PTPRN2: variants seen among roughly 807,000 people sequenced by gnomAD.
PTPRN2 encodes the protein protein tyrosine phosphatase receptor type N2, also known as receptor-type tyrosine-protein phosphatase N2.
PTPRN2 carries 74 observed loss-of-function variants against 118.8 expected under a neutral mutation model. The observed-to-expected ratio is 0.62, with a 90% CI of 0.52 to 0.76. PTPRN2 has a LOEUF of 0.76. Ranked by LOEUF, PTPRN2 falls within the 30% of genes least tolerant of loss-of-function variation. The pLI is 0.00. For synonymous variants in PTPRN2, 641 were observed against 608.0 expected (o/e 1.05, Z -0.80); for missense variants, 1,481 against 1,394.4 (o/e 1.06, Z -0.99).
At chr7:157,555,018 T>C (rs1798812777) in intron 21 of PTPRN2, among the ~76,000 whole-genome samples, 1 of 148,454 alleles carries the variant, frequency 6.7e-6, no homozygotes, top group South Asian at 2.1e-4. Flanking sequence ...ACCGGCCAAG[T>C]CAGTTTGGGT....
intron 2 of PTPRN2, among the ~76,000 whole-genome samples, chr7:158,331,637 A>T (rs1304254501): frequency 6.8e-4 from 100 of 146,608 alleles, no homozygotes; most frequent in African/African-American, 2.6e-3. Context: ...TCACCATAAG[A>T]GGTGACACCT....
chr7:158,513,849 C>T (rs1214519043), intron 1 of PTPRN2, among the ~76,000 whole-genome samples: 1 of 152,236 alleles, frequency 6.6e-6, no homozygotes, highest in Non-Finnish European at 1.5e-5. Context: ...CTGTGTTTCA[C>T]ATTTTCTTCA....
chr7:157,656,633 C>T (rs1585184568), intron 13 of PTPRN2, 82 bp from the exon 14 acceptor site: 9 of 1,300,304 alleles, frequency 6.9e-6, no homozygotes, highest in Admixed American at 4.2e-5. Flanking sequence ...ACCCACGTGG[C>T]ACAACCCCTT....
intron 11 of PTPRN2, among the ~76,000 whole-genome samples, chr7:157,945,533 G>T (rs1053499849): frequency 6.6e-6 from 1 of 152,096 alleles, no homozygotes; most frequent in Non-Finnish European, 1.5e-5. Flanking sequence ...AGACAAAGCC[G>T]TCTCCAACTC....
chr7:157,558,927 G>A (rs547724879), intron 21 of PTPRN2, among the ~76,000 whole-genome samples: 14 of 152,344 alleles, frequency 9.2e-5, no homozygotes, highest in African/African-American at 2.4e-4. Flanking sequence ...TCCCATGCCC[G>A]TGGGCTCATG....
chr7:157,605,060 G>A (rs1419168482), intron 15 of PTPRN2, among the ~76,000 whole-genome samples: 1 of 152,258 alleles, frequency 6.6e-6, no homozygotes, highest in Non-Finnish European at 1.5e-5. Flanking sequence ...TCTGTGGCCG[G>A]TGGCGCCTTT....
chr7:158,472,643 A>G (rs1301257707), intron 2 of PTPRN2, among the ~76,000 whole-genome samples: 1 of 152,174 alleles, frequency 6.6e-6, no homozygotes, highest in African/African-American at 2.4e-5. Flanking sequence ...AACATCACCC[A>G]TCAGTTAGAG....
intron 5 of PTPRN2, among the ~76,000 whole-genome samples, chr7:158,178,729 C>T (rs112396148): frequency 0.024 from 3,692 of 151,782 alleles, 149 homozygotes; most frequent in African/African-American, 0.081. Flanking sequence ...TCCCAAGTAG[C>T]TGGGACTACA....
chr7:158,269,750 A>G (rs6952010), intron 3 of PTPRN2, among the ~76,000 whole-genome samples: 22,571 of 132,268 alleles, frequency 0.17, 1,887 homozygotes, highest in African/African-American at 0.27. Context: ...AGAGACAGAG[A>G]GAGACAGAGA....
chr7:157,993,139 C>T (rs188007096), intron 11 of PTPRN2, among the ~76,000 whole-genome samples: 110 of 152,320 alleles, frequency 7.2e-4, no homozygotes, highest in African/African-American at 2.5e-3. Flanking sequence ...TTTCTGATCA[C>T]GAGCTCTAAC....
At chr7:158,573,084 T>C (rs1828133334) in intron 1 of PTPRN2, among the ~76,000 whole-genome samples, 1 of 152,240 alleles carries the variant, frequency 6.6e-6, no homozygotes, top group South Asian at 2.1e-4. Flanking sequence ...GACAAGAGTC[T>C]TCTGAGGCAC....
rs562379378 is a variant in PTPRN2 at position 157,560,148 on chromosome 7, A to G, written c.2902+8754T>C. Among the ~76,000 whole-genome samples the G allele has an allele frequency of 2.0e-5, 3 of 152,290 alleles. No homozygotes were observed. Among genetic ancestry groups the G allele is most frequent in the South Asian group, 2.1e-4 (1 of 4,832 alleles). On this transcript the variant is annotated intron_variant, in intron 21 of 22. Coordinates refer to ENST00000389418, the MANE Select transcript of PTPRN2 (RefSeq NM_002847.5). The surrounding 1 kb of genome is among the most constrained non-coding windows in gnomAD (Gnocchi z 6.7). ...AGCGGAGGACAGCCCAGGTGAGGAC[A>G]TCAGACCCAGGAGTGGGTGAGGAGC...
At chr7:157,940,593 AGT>A (rs1799997949) in intron 11 of PTPRN2, among the ~76,000 whole-genome samples, 1 of 105,878 alleles carries the variant, frequency 9.4e-6, no homozygotes, top group Admixed American at 1.0e-4. Flanking sequence ...CACCCTCCCC[AGT>A]GACACTGCAA....
intron 2 of PTPRN2, among the ~76,000 whole-genome samples, chr7:158,324,061 A>G (rs200372371): frequency 3.5e-3 from 3 of 868 alleles, no homozygotes; most frequent in African/African-American, 6.2e-3. Flanking sequence ...GCAAACGTGC[A>G]CACACACACA....
chr7:158,210,505 GAAAAC>G (rs1232406774), intron 3 of PTPRN2, among the ~76,000 whole-genome samples: 2 of 151,792 alleles, frequency 1.3e-5, no homozygotes, highest in Non-Finnish European at 2.9e-5. Flanking sequence ...TTGGAATGAA[GAAAAC>G]AATACAAAAG....
chr7:157,965,375 G>A (rs570312507), intron 11 of PTPRN2, among the ~76,000 whole-genome samples: 17 of 152,236 alleles, frequency 1.1e-4, no homozygotes, highest in African/African-American at 4.1e-4. Context: ...AGGGTTCCTG[G>A]CTTGGACTGG....
In PTPRN2 at chr7:157,611,940, C is replaced by T. The variant is rs550196615; in HGVS notation, c.2345-7865G>A. ...GCGCCCGTGTGAAGACGAAGACAGC[C>T]GTGGTCGTGCTGAGGAGCGAGGCCT... On this transcript the variant is annotated intron_variant, in intron 15 of 22. Transcript: ENST00000389418. This position sits in a 1 kb window ranked among gnomAD's most constrained non-coding sequence, Gnocchi z 5.9. 5.3e-5 allele frequency among the ~76,000 whole-genome samples: 8 copies of T among 152,206 alleles called. No individual in the cohort carries two copies. Among genetic ancestry groups the T allele is most frequent in the East Asian group, 1.9e-4 (1 of 5,190 alleles).
At chr7:158,390,324 T>C (rs537186364) in intron 2 of PTPRN2, among the ~76,000 whole-genome samples, 23 of 152,244 alleles carry the variant, frequency 1.5e-4, no homozygotes, top group Non-Finnish European at 2.9e-4. Flanking sequence ...TAAGAAGTTA[T>C]TCCCATGCAG....
rs1802289929 is a variant in PTPRN2, at chr7:157,763,832, GGCCA to G, written c.1789-80899_1789-80896del. ...AGGGGCTGCTGGGCCTCTGCTGTGT[GGCCA>G]CTGCCCCATGTGGCTGCCCCATCCC... is the stretch of plus-strand genomic sequence containing the variant. On this transcript the variant is annotated intron_variant, in intron 12 of 22. Coordinates refer to ENST00000389418, the MANE Select transcript of PTPRN2 (RefSeq NM_002847.5). This position sits in a 1 kb window ranked among gnomAD's most constrained non-coding sequence, Gnocchi z 4.9. 1.3e-5 allele frequency among the ~76,000 whole-genome samples: 2 copies of G among 152,008 alleles called. No homozygotes were observed. Among genetic ancestry groups the G allele is most frequent in the South Asian group, 4.1e-4 (2 of 4,828 alleles).
Sources: allele counts gnomAD v4.1 joint callset (sites outside exome capture counted in the v4.1 genomes callset), GRCh38; gene constraint gnomAD v4.1.1; non-coding constraint Gnocchi (gnomAD v3.1); transcripts MANE v1.5; gene names NCBI Gene and HGNC (gene_info 2026-07-23, HGNC 2026-07-21).